The following GPHN variants were observed in gnomAD, a reference collection of about 807,000 sequenced individuals.
GPHN encodes gephyrin.
A neutral mutation model predicts 95.5 loss-of-function variants in GPHN; 17 were observed. The observed-to-expected ratio is 0.18, with a 90% CI of 0.12 to 0.27. The LOEUF is 0.27. GPHN is among the 10% of genes least tolerant of loss of function. GPHN has a pLI of 1.00. For synonymous variants in GPHN, 320 were observed against 322.5 expected (o/e 0.99, Z 0.08); for missense variants, 660 against 978.1 (o/e 0.67, Z 4.34).
the GPHN span, chr14:67,651,857 C>G: frequency 5.7e-6 from 1 of 174,002 alleles, no homozygotes; most frequent in Non-Finnish European, 1.2e-5. Context: ...CTGGGTAATA[C>G]CTTTCAATCC....
chr14:66,709,934 A>T (rs1039397994), intron 2 of GPHN, among the ~76,000 whole-genome samples: 2 of 152,156 alleles, frequency 1.3e-5, no homozygotes, highest in African/African-American at 4.8e-5. Context: ...CCATTAAAAA[A>T]AAAAAAGAAT....
the GPHN span, among the ~76,000 whole-genome samples, chr14:67,251,301 G>A: frequency 6.6e-6 from 1 of 152,202 alleles, no homozygotes; most frequent in African/African-American, 2.4e-5. Context: ...TGGAGGCCGA[G>A]GCAGGAGGAC....
At chr14:67,407,147 A>G in the GPHN span, among the ~76,000 whole-genome samples, 2 of 151,852 alleles carry the variant, frequency 1.3e-5, no homozygotes, top group African/African-American at 4.8e-5. Flanking sequence ...TTTGAGACGG[A>G]GTCTTGCACT....
At chr14:67,021,851 G>C (rs1267211662) in intron 9 of GPHN, among the ~76,000 whole-genome samples, 1 of 152,022 alleles carries the variant, frequency 6.6e-6, no homozygotes, top group African/African-American at 2.4e-5. Context: ...CTTTCCATTC[G>C]CAAACATTGC....
intron 10 of GPHN, among the ~76,000 whole-genome samples, chr14:67,029,887 C>T (rs990203259): frequency 5.9e-5 from 9 of 152,168 alleles, no homozygotes; most frequent in African/African-American, 1.9e-4. Context: ...CTTTATAAAT[C>T]ACTCCCTCCT....
intron 4 of GPHN, among the ~76,000 whole-genome samples, chr14:66,835,602 T>G (rs890694590): frequency 4.0e-5 from 6 of 151,660 alleles, no homozygotes; most frequent in Non-Finnish European, 8.8e-5. Flanking sequence ...CCAGGGCAAT[T>G]AGGCAGGAGA....
the GPHN span, among the ~76,000 whole-genome samples, chr14:67,194,540 C>G: frequency 6.6e-6 from 1 of 152,038 alleles, no homozygotes; most frequent in Non-Finnish European, 1.5e-5. Context: ...GAGTTTTGCT[C>G]TGTCACACAG....
intron 2 of GPHN, among the ~76,000 whole-genome samples, chr14:66,736,089 G>T (rs2072238177): frequency 6.6e-6 from 1 of 152,066 alleles, no homozygotes; most frequent in Non-Finnish European, 1.5e-5. Flanking sequence ...TGGATGGAGT[G>T]ACAAAGGAAC....
the GPHN span, chr14:67,317,336 G>A: frequency 7.9e-7 from 1 of 1,267,862 alleles, no homozygotes; most frequent in African/African-American, 1.5e-5. Context: ...AATAAATAGA[G>A]TTCTTCAATT....
the GPHN span, chr14:67,573,813 C>T: frequency 8.9e-5 from 143 of 1,611,972 alleles, 1 homozygote; most frequent in South Asian, 1.2e-3. The surrounding 1 kb of genome is among the most constrained non-coding windows in gnomAD (Gnocchi z 4.8). Context: ...TGATGTCATC[C>T]GGAAACCTCA....
the GPHN span, among the ~76,000 whole-genome samples, chr14:67,289,387 A>AT: frequency 6.6e-6 from 1 of 152,156 alleles, no homozygotes; most frequent in Admixed American, 6.5e-5. Context: ...TCTAGAGCTG[A>AT]TTTTAGGTAA....
the GPHN span, among the ~76,000 whole-genome samples, chr14:67,466,919 C>T: frequency 5.6e-5 from 8 of 142,908 alleles, no homozygotes; most frequent in East Asian, 4.6e-4. Flanking sequence ...CACCTGAACC[C>T]GGGAGGTGGA....
chr14:66,900,937 T>C (rs940094864), intron 5 of GPHN, among the ~76,000 whole-genome samples: 1 of 152,094 alleles, frequency 6.6e-6, no homozygotes, highest in African/African-American at 2.4e-5. Flanking sequence ...ATGGTAATTC[T>C]ATTTCTAGTT....
intron 17 of GPHN, among the ~76,000 whole-genome samples, chr14:67,123,202 A>T (rs537435429): frequency 6.6e-6 from 1 of 152,214 alleles, no homozygotes; most frequent in Admixed American, 6.5e-5. Context: ...TTTCTCTCTT[A>T]TCACTACCTC....
At chr14:66,544,986 C>A (rs888739435) in intron 1 of GPHN, among the ~76,000 whole-genome samples, 19 of 152,202 alleles carry the variant, frequency 1.2e-4, no homozygotes, top group Non-Finnish European at 2.8e-4. Flanking sequence ...CTGTGTCTAC[C>A]TCCTACTACA....
the GPHN span, chr14:67,349,023 G>C: frequency 6.2e-7 from 1 of 1,611,920 alleles, no homozygotes. Flanking sequence ...GTTTCTAAAA[G>C]GTTGAAACGT....
chr14:66,741,939 T>G (rs149896524), intron 2 of GPHN, among the ~76,000 whole-genome samples: 207 of 152,344 alleles, frequency 1.4e-3, no homozygotes, highest in African/African-American at 4.7e-3. Context: ...CTGTCCTTTC[T>G]CCTTGCCTTG....
At position 66,747,328 on chromosome 14, in the gene GPHN, A is replaced by G. The variant is rs373429009; in HGVS notation, c.144-29136A>G. On this transcript the variant is annotated intron_variant, in intron 2 of 22. Transcript: ENST00000478722. ...GGCCATTTATTTCAGTATTTCACTA[A>G]GTAACTTCTAAACTGTGAAAAAAGT... 3.7e-3 allele frequency among the ~76,000 whole-genome samples: 558 copies of G among 152,272 alleles called. 12 individuals carry two copies. The highest frequency in any genetic ancestry group is 0.013 in the African/African-American group (531 of 41,562).
At chr14:67,624,944 CAA>C in the GPHN span, among the ~76,000 whole-genome samples, 1 of 152,158 alleles carries the variant, frequency 6.6e-6, no homozygotes, top group Non-Finnish European at 1.5e-5. Context: ...CGATAGCCTG[CAA>C]TCACAGTGAA....
Sources: allele counts gnomAD v4.1 joint callset (sites outside exome capture counted in the v4.1 genomes callset), GRCh38; gene constraint gnomAD v4.1.1; non-coding constraint Gnocchi (gnomAD v3.1); transcripts MANE v1.5; gene names NCBI Gene and HGNC (gene_info 2026-07-23, HGNC 2026-07-21).